Variants in ZNRF1 observed in about 807,000 individuals in gnomAD.
ZNRF1 encodes the protein zinc and ring finger 1, also known as E3 ubiquitin-protein ligase ZNRF1.
A neutral mutation model predicts 18.4 loss-of-function variants in ZNRF1; 3 were observed. That is an observed-to-expected ratio of 0.16 (90% CI 0.07 to 0.42). The LOEUF (loss-of-function observed/expected upper bound fraction) is 0.42. Among genes scored for constraint, ZNRF1 ranks in the 10% least tolerant of loss-of-function variants. The probability of loss-of-function intolerance (pLI) is 0.99; values close to 1 mark genes in which losing one functional copy is unlikely to be tolerated. For missense variants in ZNRF1, 310 were observed against 329.8 expected, an observed-to-expected ratio of 0.94 and a Z score of 0.47; for synonymous variants, 157 against 144.2, an observed-to-expected ratio of 1.09 and a Z score of -0.64.
intron 1 of ZNRF1, among the ~76,000 whole-genome samples, chr16:75,039,675 A>G (rs779136595): frequency 6.6e-6 from 1 of 152,192 alleles, no homozygotes; most frequent in Non-Finnish European, 1.5e-5. Context: ...AGGAATGCAG[A>G]TTTATGGGCC....
intron 1 of ZNRF1, among the ~76,000 whole-genome samples, chr16:75,031,137 GTT>G (rs1327031295): frequency 1.6e-5 from 2 of 127,760 alleles, no homozygotes; most frequent in Non-Finnish European, 1.7e-5. Context: ...CGCCCCACCT[GTT>G]TTTTTTTTTT....
chr16:75,057,734 C>T (rs1291346245), intron 1 of ZNRF1, among the ~76,000 whole-genome samples: 6 of 152,216 alleles, frequency 3.9e-5, no homozygotes, highest in African/African-American at 1.4e-4. Flanking sequence ...CTCCCGGGTT[C>T]AAGTGATTCT....
chr16:75,095,640 C>T (rs949403135), intron 2 of ZNRF1: 1 of 1,550,104 alleles, frequency 6.5e-7, no homozygotes, highest in Non-Finnish European at 8.7e-7. Context: ...CCTGAGAAAA[C>T]CTGGCTCTCA....
rs577694502 is a variant in ZNRF1, at chr16:75,044,750, T to C, written c.424+44655T>C. Among the ~76,000 whole-genome samples the C allele has an allele frequency of 3.9e-5, 6 of 152,328 alleles. No homozygotes were observed. In the South Asian group the frequency reaches 1.2e-3, roughly 32 times the overall value. ...ATGGCCATATTTTTAATTAAGTTAT[T>C]TGATGGACATACCCCTTTCCCTTGG... On this transcript the variant is annotated intron_variant, in intron 1 of 4. Coordinates refer to ENST00000335325, the MANE Select transcript of ZNRF1 (RefSeq NM_032268.5).
At chr16:75,094,197 C>T (rs536686284) in intron 2 of ZNRF1, among the ~76,000 whole-genome samples, 180 of 152,238 alleles carry the variant, frequency 1.2e-3, no homozygotes, top group Non-Finnish European at 2.1e-3. Flanking sequence ...GAGAGCTTGA[C>T]GGGGGACTAT....
At chr16:75,036,165 G>A (rs1355009627) in intron 1 of ZNRF1, among the ~76,000 whole-genome samples, 1 of 152,068 alleles carries the variant, frequency 6.6e-6, no homozygotes, top group Non-Finnish European at 1.5e-5. Context: ...TGACCTCCTG[G>A]GCTCATGTGA....
intron 1 of ZNRF1, among the ~76,000 whole-genome samples, chr16:75,082,329 A>G (rs945496623): frequency 1.3e-5 from 2 of 152,126 alleles, no homozygotes; most frequent in Non-Finnish European, 2.9e-5. Flanking sequence ...AAGAGGACCA[A>G]TGAATGGCCA....
At chr16:75,049,660 G>C (rs932383518) in intron 1 of ZNRF1, among the ~76,000 whole-genome samples, 2 of 152,186 alleles carry the variant, frequency 1.3e-5, no homozygotes, top group African/African-American at 2.4e-5. Flanking sequence ...AAATTTCGCT[G>C]CTTCTACTTA....
rs2036346710 is a variant in ZNRF1 at position 75,108,798 on chromosome 16, T to C, written c.*1098T>C. The stretch of plus-strand genomic sequence containing the variant: ...CCCCCCACTCCCTCACCTACCTCCT[T>C]AGCATTCCTTCAGGCTGCTACTCGG... On this transcript the variant is annotated 3_prime_UTR_variant, in exon 5 of 5. Coordinates refer to ENST00000335325, the MANE Select transcript of ZNRF1 (RefSeq NM_032268.5). 1 of 363,504 alleles carries C rather than the reference T, an allele frequency of 2.8e-6. No individual in the cohort carries two copies. The highest frequency in any genetic ancestry group is 4.9e-6 in the Non-Finnish European group (1 of 205,890). 22.5% of individuals were successfully genotyped at this position (363,504 alleles called of 1,614,324 possible).
At chr16:75,011,298 C>G (rs1264643753) in intron 1 of ZNRF1, among the ~76,000 whole-genome samples, 1 of 152,150 alleles carries the variant, frequency 6.6e-6, no homozygotes, top group Non-Finnish European at 1.5e-5. Context: ...TGTTCTAGTC[C>G]ATTTAGATTG....
chr16:75,084,309 G>T (rs770162243), intron 1 of ZNRF1: 2 of 152,232 alleles, frequency 1.3e-5, no homozygotes, highest in Non-Finnish European at 2.9e-5. Flanking sequence ...ACCAGGGGAA[G>T]TAATGAAACA....
At chr16:75,051,472 G>C (rs1051420230) in intron 1 of ZNRF1, among the ~76,000 whole-genome samples, 2 of 151,936 alleles carry the variant, frequency 1.3e-5, no homozygotes, top group Non-Finnish European at 2.9e-5. Flanking sequence ...GCCTCCCAAA[G>C]TGTTGGGATT....
At chr16:75,095,556 G>A in intron 2 of ZNRF1, 1 of 1,484,800 alleles carries the variant, frequency 6.7e-7, no homozygotes, top group Non-Finnish European at 9.0e-7. Context: ...TTTGTCCTGT[G>A]GGTTGCTAGG....
chr16:75,091,273 C>T (rs538518705), intron 1 of ZNRF1, among the ~76,000 whole-genome samples: 15 of 151,420 alleles, frequency 9.9e-5, no homozygotes, highest in African/African-American at 3.6e-4. Flanking sequence ...GTGGGAGACT[C>T]TCTTGAACCC....
At chr16:75,019,346 C>T (rs1453950984) in intron 1 of ZNRF1, among the ~76,000 whole-genome samples, 1 of 151,798 alleles carries the variant, frequency 6.6e-6, no homozygotes, top group South Asian at 2.1e-4. Flanking sequence ...GGACAAAATA[C>T]AGCTTTTTAT....
chr16:75,017,488 A>C (rs2035087563), intron 1 of ZNRF1, among the ~76,000 whole-genome samples: 1 of 152,242 alleles, frequency 6.6e-6, no homozygotes, highest in Non-Finnish European at 1.5e-5. Context: ...TCAGAAAGAT[A>C]AATCATTGAC....
At chr16:75,000,220 C>G (rs146555311) in intron 1 of ZNRF1, 125 bp downstream of exon 1, 3 of 1,365,690 alleles carry the variant, frequency 2.2e-6, no homozygotes, top group Admixed American at 2.0e-5. Context: ...CCTTTGGTTC[C>G]CGATGCCAAG....
intron 1 of ZNRF1, among the ~76,000 whole-genome samples, chr16:75,017,637 C>T (rs1309311089): frequency 6.6e-6 from 1 of 152,200 alleles, no homozygotes; most frequent in African/African-American, 2.4e-5. Context: ...GTCACTTAGA[C>T]TAGGCCTAAA....
chr16:75,090,026 T>G (rs1293628460), intron 1 of ZNRF1, among the ~76,000 whole-genome samples: 1 of 152,230 alleles, frequency 6.6e-6, no homozygotes, highest in African/African-American at 2.4e-5. Flanking sequence ...GCAGAAGGCC[T>G]GTCCTAGACC....
Sources: gnomAD v4.1 joint callset for allele counts (sites outside exome capture counted in the v4.1 genomes callset) on GRCh38, gnomAD v4.1.1 for gene constraint, MANE v1.5 for transcripts, NCBI Gene and HGNC (gene_info 2026-07-23, HGNC 2026-07-21) for gene names.